Variants in ARHGEF3 observed in about 807,000 individuals in gnomAD.
ARHGEF3 encodes the protein 59.8 kDA protein.
In ARHGEF3, 28 loss-of-function variants were observed where a neutral mutation model predicts 63.2. The ratio of observed to expected loss-of-function variants is 0.44; its 90% CI spans 0.33 to 0.61. The LOEUF (loss-of-function observed/expected upper bound fraction) is 0.61. Among genes scored for constraint, ARHGEF3 ranks in the 20% least tolerant of loss-of-function variants. The pLI is 0.03. For missense variants in ARHGEF3, 533 were observed against 659.3 expected, an observed-to-expected ratio of 0.81 and a Z score of 2.10; for synonymous variants, 266 against 254.2, an observed-to-expected ratio of 1.05 and a Z score of -0.44.
intron 1 of ARHGEF3, among the ~76,000 whole-genome samples, chr3:57,052,243 A>G (rs1200477758): frequency 6.6e-6 from 1 of 152,176 alleles, no homozygotes; most frequent in Non-Finnish European, 1.5e-5. Context: ...CGGTGCCTGT[A>G]TATTAGCTGA....
chr3:57,002,073 A>G (rs1168664197), intron 2 of ARHGEF3, among the ~76,000 whole-genome samples: 1 of 151,374 alleles, frequency 6.6e-6, no homozygotes, highest in Non-Finnish European at 1.5e-5. Context: ...ACAGGCGCCC[A>G]CCACCGTGCC....
intron 2 of ARHGEF3, among the ~76,000 whole-genome samples, chr3:56,983,754 G>T (rs2106914028): frequency 6.6e-6 from 1 of 152,104 alleles, no homozygotes; most frequent in East Asian, 1.9e-4. Context: ...TGGCCAATAT[G>T]GTGAAACCCT....
chr3:56,890,074 AATAAATAC>A (rs1215614380), intron 3 of ARHGEF3, among the ~76,000 whole-genome samples: 1 of 152,114 alleles, frequency 6.6e-6, no homozygotes, highest in Non-Finnish European at 1.5e-5. Context: ...TAAATAAATA[AATAAATAC>A]ATAAATAATT....
At chr3:56,829,688 T>A (rs560611395) in intron 4 of ARHGEF3, among the ~76,000 whole-genome samples, 2 of 152,186 alleles carry the variant, frequency 1.3e-5, no homozygotes, top group African/African-American at 4.8e-5. Context: ...CCTTTAAATC[T>A]TTGGAATGCT....
intron 1 of ARHGEF3, among the ~76,000 whole-genome samples, chr3:56,782,925 T>C (rs2036627896): frequency 1.3e-5 from 2 of 152,180 alleles, no homozygotes; most frequent in African/African-American, 2.4e-5. Context: ...AACATATTAA[T>C]GTTAGAGGGA....
chr3:56,905,555 C>T (rs533116217), intron 3 of ARHGEF3, among the ~76,000 whole-genome samples: 11 of 152,346 alleles, frequency 7.2e-5, no homozygotes, highest in Admixed American at 1.3e-4. Flanking sequence ...CCAGCCTACA[C>T]GCATAAGAGA....
intron 1 of ARHGEF3, among the ~76,000 whole-genome samples, chr3:57,050,020 C>T (rs1704607819): frequency 6.6e-6 from 1 of 152,188 alleles, no homozygotes; most frequent in African/African-American, 2.4e-5. Flanking sequence ...TCCTGAGGCT[C>T]AGGCTCAGAA....
chr3:56,751,477 G>A (rs1345800724), intron 4 of ARHGEF3, 81 bp from the exon 5 acceptor site: 1 of 1,164,252 alleles, frequency 8.6e-7, no homozygotes, highest in African/African-American at 1.5e-5. Context: ...CTCCTGAGAG[G>A]TCCTATCCAA....
chr3:56,801,665 A>T, intron 1 of ARHGEF3, 38 bp downstream of exon 1: 1 of 1,547,184 alleles, frequency 6.5e-7, no homozygotes, highest in Non-Finnish European at 8.7e-7. Flanking sequence ...AGACAGGCAG[A>T]TGACCCATAG....
At chr3:56,899,393 A>G (rs1350034638) in intron 3 of ARHGEF3, among the ~76,000 whole-genome samples, 1 of 152,242 alleles carries the variant, frequency 6.6e-6, no homozygotes, top group Non-Finnish European at 1.5e-5. Flanking sequence ...GAAATGCTCA[A>G]ATTGAGGATA....
intron 3 of ARHGEF3, among the ~76,000 whole-genome samples, chr3:56,919,255 G>A (rs2042064599): frequency 6.6e-6 from 1 of 152,208 alleles, no homozygotes; most frequent in Admixed American, 6.5e-5. Context: ...ACCATAAGAA[G>A]TACTGTATGG....
At chr3:57,035,587 G>A (rs1277148211) in intron 1 of ARHGEF3, among the ~76,000 whole-genome samples, 1 of 152,232 alleles carries the variant, frequency 6.6e-6, no homozygotes, top group Non-Finnish European at 1.5e-5. Context: ...GACCTCAGGT[G>A]AGCCGCCCAC....
In ARHGEF3 at chr3:57,049,296, G is replaced by C. The variant is rs535880430; in HGVS notation, c.-27-14120C>G. 9.2e-5 allele frequency among the ~76,000 whole-genome samples: 14 copies of C among 152,302 alleles called. 1 individual carries two copies. Among genetic ancestry groups the C allele is most frequent in the African/African-American group, 2.6e-4 (11 of 41,568 alleles). On this transcript the variant is annotated intron_variant, in intron 1 of 12. Coordinates refer to the ARHGEF3 transcript ENST00000338458. ...AAGTGGGAGGACTGCTTGAACCCAG[G>C]AGTCCGAGGTTGCCGTAGGCTATGA...
chr3:56,853,650 A>C (rs1379401803), intron 4 of ARHGEF3, among the ~76,000 whole-genome samples: 1 of 152,116 alleles, frequency 6.6e-6, no homozygotes, highest in Non-Finnish European at 1.5e-5. Context: ...TTTATTGTAG[A>C]CTATGTTGCT....
chr3:56,999,945 T>C (rs1231831451), intron 2 of ARHGEF3, among the ~76,000 whole-genome samples: 1 of 152,170 alleles, frequency 6.6e-6, no homozygotes, highest in Non-Finnish European at 1.5e-5. Flanking sequence ...AAACAAGTCC[T>C]GTTTTGCTCC....
At chr3:56,934,120 C>A (rs1344575776) in intron 3 of ARHGEF3, among the ~76,000 whole-genome samples, 1 of 152,316 alleles carries the variant, frequency 6.6e-6, no homozygotes, top group Non-Finnish European at 1.5e-5. Context: ...TCGGGTATTT[C>A]TTTACAGCAG....
At chr3:57,021,996 C>G (rs1490937576) in intron 2 of ARHGEF3, among the ~76,000 whole-genome samples, 1 of 152,128 alleles carries the variant, frequency 6.6e-6, no homozygotes, top group African/African-American at 2.4e-5. Flanking sequence ...GTTGGCTGGA[C>G]ATGGTGGCTC....
chr3:56,797,023 T>A (rs898441551), intron 1 of ARHGEF3, among the ~76,000 whole-genome samples: 1 of 152,182 alleles, frequency 6.6e-6, no homozygotes, highest in African/African-American at 2.4e-5. Context: ...TTAATAATAA[T>A]GACATTTTTT....
At chr3:57,024,427 A>G (rs1703386402) in intron 2 of ARHGEF3, among the ~76,000 whole-genome samples, 1 of 152,096 alleles carries the variant, frequency 6.6e-6, no homozygotes, top group Non-Finnish European at 1.5e-5. Flanking sequence ...CTATACCTGT[A>G]TATGGCTTAT....
Sources: allele counts gnomAD v4.1 joint callset (sites outside exome capture counted in the v4.1 genomes callset), GRCh38; gene constraint gnomAD v4.1.1; transcripts MANE v1.5; gene names NCBI Gene and HGNC (gene_info 2026-07-23, HGNC 2026-07-21).